The following CCDC74B variants were observed in gnomAD, a reference collection of about 807,000 sequenced individuals.
The protein encoded by CCDC74B is coiled-coil domain-containing protein 74B.
In CCDC74B, 34 loss-of-function variants were observed where a neutral mutation model predicts 38.0. The observed-to-expected ratio is 0.89, with a 90% CI of 0.68 to 1.19. The LOEUF (loss-of-function observed/expected upper bound fraction) is 1.19, where lower values mean the gene tolerates loss of function less well. Ranked by LOEUF, CCDC74B falls within the 50% of genes most tolerant of loss-of-function variation. The pLI is 0.00. For missense variants in CCDC74B, 358 were observed against 406.0 expected, an observed-to-expected ratio of 0.88 and a Z score of 1.02; for synonymous variants, 132 against 170.4, an observed-to-expected ratio of 0.77 and a Z score of 1.76.
chr2:130,145,020 C>A lies in CCDC74B; in HGVS notation c.-24G>T. The A allele has an allele frequency of 7.1e-7, 1 of 1,415,866 alleles. No individual in the cohort carries two copies. The highest frequency in any genetic ancestry group is 1.5e-5 in the South Asian group (1 of 65,912). 87.7% of individuals were successfully genotyped at this position (1,415,866 alleles called of 1,614,324 possible). A position where few individuals can be genotyped will look rare whatever the true frequency, so the allele number is the denominator to read the frequency against. ...ATATCGCCATCGCCAGGTACTCTCC[C>A]GCTGCCACTGCACCCCGGCTCAGTG... On this transcript the variant is annotated 5_prime_UTR_variant, in exon 1 of 8. Transcript: ENST00000409943.
At position 130,144,842 on chromosome 2, in the gene CCDC74B, T is replaced by G. The variant is rs1685934102; in HGVS notation, c.155A>C (p.Asp52Ala). 1 of 1,613,394 alleles carries G rather than the reference T, an allele frequency of 6.2e-7. No individual in the cohort carries two copies. The highest frequency in any genetic ancestry group is 2.2e-5 in the East Asian group (1 of 44,814). ...RQSDPQKRNL[D>A]LEKSLQFLQQ... ...CAGGAACTGTAGGCTCTTCTCCAGG[T>G]CCAGGTTCCGTTTCTGCGGGTCGCT... Residue 52 changes from aspartate to alanine, a missense_variant, in exon 1 of 8, where the codon GAC becomes GCC. By Grantham distance (126) the Asp-to-Ala change is moderately radical. Transcript: ENST00000409943.
At position 130,140,050 on chromosome 2, in the gene CCDC74B, G is replaced by T. The variant is rs551931772; in HGVS notation, c.725C>A (p.Ala242Glu). The change falls in exon 6 of 8, where the codon GCA becomes GAA. Residue 242 changes from alanine to glutamate, a missense_variant. By Grantham distance (107) the Ala-to-Glu change is moderately radical. This residue lies in a region of CCDC74B where 213 missense variants were observed against 212.3 expected (regional missense o/e 1.00). Transcript: ENST00000409943. ...GGGAAAGCTAGCTTCCTCCGGGACT[G>T]CCTGGGGCCTCTGGCTCCCTTCCAG... ...SLLEGSQRPQAVPEEASFPRD... is the reference protein window; with the variant it reads ...SLLEGSQRPQEVPEEASFPRD... 1.9e-6 allele frequency: 3 copies of T among 1,610,984 alleles called. No individual in the cohort carries two copies. The Admixed American group carries it at 5.0e-5, about 27-fold the overall frequency.
rs150161484 is a variant in CCDC74B at position 130,140,229 on chromosome 2, C to T, written c.628G>A (p.Glu210Lys). ...LRKPTTLRQC[E>K]VLIRELWNTN... Reference sequence around the variant, plus strand: ...TTCCACAGCTCGCGGATGAGCACTTCGCACTGCCTAAGTGTGGTGGGCTTT... The same window carrying T: ...TTCCACAGCTCGCGGATGAGCACTTTGCACTGCCTAAGTGTGGTGGGCTTT... The change falls in exon 5 of 8, where the codon GAA becomes AAA. Residue 210 changes from glutamate to lysine, a missense_variant. Glu to Lys is a moderately conservative substitution (Grantham distance 56, BLOSUM62 1). This residue lies in a region of CCDC74B where 213 missense variants were observed against 212.3 expected (regional missense o/e 1.00). Coordinates refer to ENST00000409943, the MANE Select transcript of CCDC74B (RefSeq NM_001258307.2). The T allele has an allele frequency of 5.6e-5, 90 of 1,613,448 alleles. No homozygotes were observed. The highest frequency in any genetic ancestry group is 4.3e-4 in the African/African-American group (32 of 74,988).
intron 1 of CCDC74B, among the ~76,000 whole-genome samples, chr2:130,143,732 G>C (rs1685828309): frequency 6.6e-6 from 1 of 152,034 alleles, no homozygotes. Flanking sequence ...TGGGGAAGCG[G>C]GGTCCTGACA....
At chr2:130,140,451 C>T (rs1054849246) in intron 4 of CCDC74B, 80 bp from the exon 5 acceptor site, 14 of 1,462,622 alleles carry the variant, frequency 9.6e-6, no homozygotes, top group African/African-American at 2.8e-5. Context: ...CCCCAGGCAG[C>T]GCCCAGGCCA....
At chr2:130,143,751 G>A (rs10177933) in intron 1 of CCDC74B, among the ~76,000 whole-genome samples, 70,440 of 151,638 alleles carry the variant, frequency 0.46, 17,730 homozygotes, top group African/African-American at 0.66. Flanking sequence ...CAAAACAGAC[G>A]CCTGGTGATG....
At chr2:130,144,519 T>A in intron 1 of CCDC74B, 1 of 1,549,334 alleles carries the variant, frequency 6.5e-7, no homozygotes, top group Non-Finnish European at 8.7e-7. Flanking sequence ...TCTGAAATGC[T>A]GCTGCCCTAG....
At chr2:130,140,689 G>A (rs1685554071) in intron 4 of CCDC74B, 3 of 461,872 alleles carry the variant, frequency 6.5e-6, no homozygotes, top group Non-Finnish European at 1.1e-5. Context: ...GCAGATGCAG[G>A]AGCCTGTCCT....
rs1232682551 is a variant in CCDC74B, at chr2:130,144,984, C to T, written c.13G>A (p.Gly5Arg). 2.7e-6 allele frequency: 4 copies of T among 1,457,048 alleles called. No individual in the cohort carries two copies. The highest frequency in any genetic ancestry group is 2.5e-5 in the East Asian group (1 of 40,186). 90.3% of individuals were successfully genotyped at this position (1,457,048 alleles called of 1,614,324 possible). Residue 5 changes from glycine to arginine, a missense_variant, in exon 1 of 8, where the codon GGG becomes AGG. Coordinates refer to ENST00000409943, the MANE Select transcript of CCDC74B (RefSeq NM_001258307.2). ...GGGGGCCGCGTCCCAGCCGCCACCC[C>T]CGCACCGCTCATATCGCCATCGCCA... is the stretch of plus-strand genomic sequence containing the variant. MSGA[G>R]VAAGTRPPSS... is the part of the protein sequence containing the mutation.
chr2:130,142,996 G>A (rs1208752841), intron 2 of CCDC74B: 1 of 1,500,854 alleles, frequency 6.7e-7, no homozygotes, highest in African/African-American at 1.4e-5. Flanking sequence ...AGCTCTACTT[G>A]GAGGAGGGAG....
At position 130,144,746 on chromosome 2, in the gene CCDC74B, C is replaced by T. The variant is rs767240460; in HGVS notation, c.250+1G>A. ...CGGCCTAGGGCCCCGCGCCGGCTCA[C>T]CCTTGTTTTCCCGCTTCAGATGCTC... On this transcript the variant is annotated splice_donor_variant, in intron 1 of 7. Coordinates refer to ENST00000409943, the MANE Select transcript of CCDC74B (RefSeq NM_001258307.2). LOFTEE classifies it high-confidence loss of function. The T allele has an allele frequency of 3.1e-6, 5 of 1,611,958 alleles. No homozygotes were observed. The Admixed American group carries it at 5.0e-5, about 16-fold the overall frequency.
chr2:130,140,766 A>G, intron 4 of CCDC74B: 1 of 319,438 alleles, frequency 3.1e-6, no homozygotes, highest in Non-Finnish European at 5.7e-6. Flanking sequence ...CTCAGGGATC[A>G]CCAGAACCTG....
In CCDC74B at chr2:130,142,552, C is replaced by T. The variant is rs1288411074; in HGVS notation, c.296-369G>A. The stretch of plus-strand genomic sequence containing the variant: ...GTTGCCACAGCGGCTAGGGAAGGGC[C>T]CTCCCTCAACCCCATTCTCCATGTC... On this transcript the variant is annotated intron_variant, in intron 2 of 7. Transcript: ENST00000409943. 3.9e-6 allele frequency: 6 copies of T among 1,551,090 alleles called. No individual in the cohort carries two copies. In the Admixed American group the frequency reaches 5.9e-5, roughly 15 times the overall value.
chr2:130,142,715 A>G (rs563849486), intron 2 of CCDC74B: 251 of 1,547,042 alleles, frequency 1.6e-4, no homozygotes, highest in Admixed American at 2.2e-4. Flanking sequence ...CACAACCCAG[A>G]ATCCTGGGCT....
Position 130,140,161 on chromosome 2 carries a change from C to A in CCDC74B, c.678+18G>T. 6.2e-7 allele frequency: 1 copy of A among 1,612,150 alleles called. No individual in the cohort carries two copies. Among genetic ancestry groups the A allele is most frequent in the African/African-American group, 1.3e-5 (1 of 74,966 alleles). The stretch of plus-strand genomic sequence containing the variant: ...GTGCCAGACTGCCCAGGGCCACCCC[C>A]ACCACCCAGGGCCTCACCTCTTGGG... On this transcript the variant is annotated intron_variant, in intron 5 of 7. Coordinates refer to ENST00000409943, the MANE Select transcript of CCDC74B (RefSeq NM_001258307.2).
intron 3 of CCDC74B, 179 bp downstream of exon 3, chr2:130,141,954 C>G (rs1188261716): frequency 1.4e-6 from 1 of 696,282 alleles, no homozygotes; most frequent in Non-Finnish European, 2.2e-6. Flanking sequence ...CTGCCCACCC[C>G]CCCTTAATCC....
intron 1 of CCDC74B, 199 bp downstream of exon 1, chr2:130,144,548 C>T: frequency 3.2e-6 from 5 of 1,550,348 alleles, no homozygotes; most frequent in Non-Finnish European, 4.4e-6. Context: ...CAGACAGGTT[C>T]GGCACTGCCC....
intron 1 of CCDC74B, 66 bp downstream of exon 1, chr2:130,144,681 G>T (rs1252523204): frequency 1.9e-6 from 3 of 1,585,766 alleles, no homozygotes; most frequent in Non-Finnish European, 2.6e-6. Flanking sequence ...TTTCTGTGCT[G>T]CGGGAGCGGC....
chr2:130,141,939 T>A lies in CCDC74B; in HGVS notation c.346+194A>T, dbSNP rs1224217964. 5 of 905,678 alleles carry A rather than the reference T, an allele frequency of 5.5e-6. No homozygotes were observed. The Admixed American group carries it at 1.2e-4, about 23-fold the overall frequency. 56.1% of individuals were successfully genotyped at this position (905,678 alleles called of 1,614,324 possible). ...GCCTTACTGCCCTGTGACTGGTCCC[T>A]GGTCCTGCCCACCCCCCCTTAATCC... On this transcript the variant is annotated intron_variant, in intron 3 of 7. Transcript: ENST00000409943.
Sources: allele counts gnomAD v4.1 joint callset (sites outside exome capture counted in the v4.1 genomes callset), GRCh38; gene constraint gnomAD v4.1.1; regional missense constraint gnomAD v4.1.1; transcripts MANE v1.5; gene names NCBI Gene and HGNC (gene_info 2026-07-23, HGNC 2026-07-21).